Variants in MREG observed in about 807,000 individuals in gnomAD.
MREG encodes the protein melanoregulin, also known as dilute suppressor protein homolog.
MREG carries 31 observed loss-of-function variants against 28.5 expected under a neutral mutation model. The ratio of observed to expected loss-of-function variants is 1.09; its 90% CI spans 0.82 to 1.47. The LOEUF (loss-of-function observed/expected upper bound fraction) is 1.47, where lower values mean the gene tolerates loss of function less well. MREG is among the 40% of genes most tolerant of loss of function. The pLI, the probability that MREG is intolerant of heterozygous loss-of-function variation, is 0.00. For missense variants in MREG, 256 were observed against 257.4 expected, an observed-to-expected ratio of 0.99 and a Z score of 0.04; for synonymous variants, 106 against 95.2, an observed-to-expected ratio of 1.11 and a Z score of -0.66.
chr2:215,977,220 G>A (rs1242944556), intron 2 of MREG, among the ~76,000 whole-genome samples: 1 of 152,098 alleles, frequency 6.6e-6, no homozygotes, highest in East Asian at 1.9e-4. Flanking sequence ...AAAAAGCAGG[G>A]GTTGCAACCC....
chr2:215,970,542 C>G (rs1397368157), intron 2 of MREG, among the ~76,000 whole-genome samples: 1 of 152,218 alleles, frequency 6.6e-6, no homozygotes, highest in Non-Finnish European at 1.5e-5. Flanking sequence ...AGGACTGTGA[C>G]TCAAGCCTCT....
Position 215,960,303 on chromosome 2 carries a change from A to C in MREG, c.256-13190T>G, listed in dbSNP as rs1399622583. ...TCTATAATGTCTCCTTTATCACCAG[A>C]GTATAGGCTACCTGACCACAAGAAC... On this transcript the variant is annotated intron_variant, in intron 2 of 4. Coordinates refer to ENST00000263268, the MANE Select transcript of MREG (RefSeq NM_018000.3). Among the ~76,000 whole-genome samples the C allele has an allele frequency of 7.2e-5, 11 of 152,278 alleles. No homozygotes were observed. In the East Asian group the frequency reaches 2.1e-3, roughly 29 times the overall value.
At chr2:215,957,407 C>T (rs1692653100) in intron 2 of MREG, among the ~76,000 whole-genome samples, 1 of 152,230 alleles carries the variant, frequency 6.6e-6, no homozygotes, top group South Asian at 2.1e-4. Context: ...CCCTCCAGCC[C>T]CTCCTACTTT....
chr2:216,021,181 T>C (rs192438209), intron 1 of MREG, among the ~76,000 whole-genome samples: 1 of 152,304 alleles, frequency 6.6e-6, no homozygotes, highest in African/African-American at 2.4e-5. Context: ...GTGGTCTCAC[T>C]CTGTCACCCA....
chr2:216,030,967 C>CAA (rs1694678818), intron 1 of MREG, among the ~76,000 whole-genome samples: 2 of 149,802 alleles, frequency 1.3e-5, no homozygotes, highest in Non-Finnish European at 3.0e-5. Flanking sequence ...CACACACACA[C>CAA]ACACACACAC....
downstream of MREG, among the ~76,000 whole-genome samples, chr2:215,940,679 T>C (rs575300219): frequency 6.6e-6 from 1 of 152,294 alleles, no homozygotes; most frequent in East Asian, 1.9e-4. Flanking sequence ...GGAAATTATT[T>C]TGAAATGGAG....
At chr2:215,970,302 C>T (rs1221830562) in intron 2 of MREG, among the ~76,000 whole-genome samples, 1 of 152,160 alleles carries the variant, frequency 6.6e-6, no homozygotes, top group Non-Finnish European at 1.5e-5. Context: ...TCCCTCAGAG[C>T]CCTCAGCAGG....
intron 1 of MREG, among the ~76,000 whole-genome samples, chr2:216,031,647 A>AAAAGAAAGAAAG (rs200929112): frequency 0.046 from 4,514 of 97,902 alleles, 144 homozygotes; most frequent in Non-Finnish European, 0.058. Flanking sequence ...AAGGAAGAAG[A>AAAAGAAAGAAAG]AAAGAAAGAA....
chr2:216,017,966 C>T (rs1004253012), upstream of MREG, among the ~76,000 whole-genome samples: 44 of 144,544 alleles, frequency 3.0e-4, no homozygotes, highest in African/African-American at 1.1e-3. Context: ...GCCTGGCCAA[C>T]ATGGTGAAAC....
At position 215,944,662 on chromosome 2, in the gene MREG, T is replaced by A. The variant is rs554091826; in HGVS notation, c.*201A>T. 1 of 431,866 alleles carries A rather than the reference T, an allele frequency of 2.3e-6. No homozygotes were observed. The highest frequency in any genetic ancestry group is 8.4e-5 in the South Asian group (1 of 11,898). The allele number at this position is 431,866 out of a possible 1,614,324, so 26.8% of individuals were successfully genotyped here. ...TTTAACTTTCTTCCTAAATATGAGA[T>A]CACCAAGGCGTTTCAATGCAGCCTG... On this transcript the variant is annotated 3_prime_UTR_variant, in exon 5 of 5. Transcript: ENST00000263268.
chr2:215,954,445 A>AACAAACACACACAC (rs1553547417), intron 2 of MREG, among the ~76,000 whole-genome samples: 2,507 of 136,554 alleles, frequency 0.018, 84 homozygotes, highest in East Asian at 0.15. Context: ...ATCTGTGTAC[A>AACAAACACACACAC]ACACACACAC....
chr2:215,969,955 A>T (rs1459878185), intron 2 of MREG, among the ~76,000 whole-genome samples: 1 of 152,184 alleles, frequency 6.6e-6, no homozygotes, highest in African/African-American at 2.4e-5. Flanking sequence ...AGCATTCACC[A>T]TCCCTCTTAG....
In MREG at chr2:216,004,434, T is replaced by C. The variant is rs183104997; in HGVS notation, c.96-7969A>G. 9.2e-5 allele frequency among the ~76,000 whole-genome samples: 14 copies of C among 151,918 alleles called. No individual in the cohort carries two copies. The East Asian group carries it at 2.7e-3, about 29-fold the overall frequency. On this transcript the variant is annotated intron_variant, in intron 1 of 4. Coordinates refer to ENST00000263268, the MANE Select transcript of MREG (RefSeq NM_018000.3). ...TGCTCAGTGATGTATCTCAAGTACT[T>C]AAAACAGTGCCTAACAGGAGAATCA...
At chr2:215,983,744 T>C (rs1693491511) in intron 2 of MREG, among the ~76,000 whole-genome samples, 1 of 152,214 alleles carries the variant, frequency 6.6e-6, no homozygotes, top group Admixed American at 6.5e-5. Flanking sequence ...AAGTGTGGTT[T>C]TCAGAGATCA....
intron 2 of MREG, among the ~76,000 whole-genome samples, chr2:215,956,587 G>T (rs977049150): frequency 2.6e-5 from 4 of 152,132 alleles, no homozygotes; most frequent in African/African-American, 9.7e-5. Flanking sequence ...TGCCCAGGCT[G>T]GAGTGCAGTG....
rs892337180 is a variant in MREG, at chr2:216,021,273, G to A, written c.-68+11516C>T. ...AGCAATTCTCCAATCTCAGCCTCCCGAGTAGCTGGGACCACAGGCATGCAC... is the reference window on the plus strand; with the variant it reads ...AGCAATTCTCCAATCTCAGCCTCCCAAGTAGCTGGGACCACAGGCATGCAC... On this transcript the variant is annotated intron_variant, in intron 1 of 3. Coordinates refer to the MREG transcript ENST00000420348. Among the ~76,000 whole-genome samples, 17 of 152,052 alleles carry A rather than the reference G, an allele frequency of 1.1e-4. No homozygotes were observed. The South Asian group carries it at 1.2e-3, about 11-fold the overall frequency.
intron 2 of MREG, among the ~76,000 whole-genome samples, chr2:215,987,021 AT>A (rs1466818168): frequency 6.6e-6 from 1 of 152,248 alleles, no homozygotes; most frequent in East Asian, 1.9e-4. Context: ...AGGAAAAAAA[AT>A]AAATCAACGT....
intron 1 of MREG, among the ~76,000 whole-genome samples, chr2:216,000,098 A>C (rs993625558): frequency 6.6e-6 from 1 of 152,232 alleles, no homozygotes; most frequent in Admixed American, 6.5e-5. Flanking sequence ...ACCACTGCAT[A>C]ATATATTCAG....
In MREG at chr2:216,020,619, G is replaced by C. The variant is rs531742018; in HGVS notation, c.-68+12170C>G. Among the ~76,000 whole-genome samples the C allele has an allele frequency of 2.0e-5, 3 of 152,378 alleles. No individual in the cohort carries two copies. In the East Asian group the frequency reaches 5.8e-4, roughly 29 times the overall value. On this transcript the variant is annotated intron_variant, in intron 1 of 3. Transcript: ENST00000420348. ...ACAGGAAAGGGCTAAGAGTGGGAAA[G>C]TTGTCATTTCCAAAGGAAAATCAAC...
Sources: allele counts gnomAD v4.1 joint callset (sites outside exome capture counted in the v4.1 genomes callset), GRCh38; gene constraint gnomAD v4.1.1; transcripts MANE v1.5; gene names NCBI Gene and HGNC (gene_info 2026-07-23, HGNC 2026-07-21).